AGBL1: variants seen among roughly 807,000 people sequenced by gnomAD.
The protein encoded by AGBL1 is cytosolic carboxypeptidase 4.
A neutral mutation model predicts 118.9 loss-of-function variants in AGBL1; 130 were observed. The ratio of observed to expected loss-of-function variants is 1.09; its 90% CI spans 0.95 to 1.26. The LOEUF is 1.26. AGBL1 is among the 50% of genes most tolerant of loss of function. The probability of loss-of-function intolerance (pLI) is 0.00; values close to 1 mark genes in which losing one functional copy is unlikely to be tolerated. For missense variants in AGBL1, 1,584 were observed against 1,298.1 expected (o/e 1.22, Z -3.38); for synonymous variants, 555 against 478.9 (o/e 1.16, Z -2.08).
chr15:86,793,030 A>T (rs906302942), intron 22 of AGBL1, among the ~76,000 whole-genome samples: 28 of 152,202 alleles, frequency 1.8e-4, no homozygotes, highest in African/African-American at 6.3e-4. Flanking sequence ...TAGTAACCGT[A>T]GTTAATATTT....
At chr15:86,950,272 A>G (rs956329752) in intron 23 of AGBL1, among the ~76,000 whole-genome samples, 1 of 151,682 alleles carries the variant, frequency 6.6e-6, no homozygotes, top group Non-Finnish European at 1.5e-5. Context: ...ATAAAGTTAA[A>G]ACAAGAAAAT....
intron 22 of AGBL1, among the ~76,000 whole-genome samples, chr15:86,736,944 T>A (rs138675754): frequency 6.6e-6 from 1 of 152,232 alleles, no homozygotes; most frequent in Non-Finnish European, 1.5e-5. Flanking sequence ...TATTTGCTTC[T>A]TAGAAGTCAA....
At chr15:86,487,945 T>A (rs1474831297) in intron 18 of AGBL1, among the ~76,000 whole-genome samples, 3 of 151,794 alleles carry the variant, frequency 2.0e-5, no homozygotes, top group Admixed American at 6.6e-5. Flanking sequence ...TCTGGATGAG[T>A]TTCAAGTTCC....
In AGBL1 at chr15:86,452,057, C is replaced by G. The variant is rs567638393; in HGVS notation, c.2555+54511C>G. ...CAGCCTCAATGGATTGGTGGAGGAG[C>G]CTTATGCCAGCCACAGTAGCTTTGC... On this transcript the variant is annotated intron_variant, in intron 18 of 22. Transcript: ENST00000614907. Among the ~76,000 whole-genome samples, 9 of 152,202 alleles carry G rather than the reference C, an allele frequency of 5.9e-5. No homozygotes were observed. The South Asian group carries it at 1.5e-3, about 25-fold the overall frequency.
At chr15:86,392,098 T>C (rs1170276733) in intron 17 of AGBL1, among the ~76,000 whole-genome samples, 2 of 152,166 alleles carry the variant, frequency 1.3e-5, no homozygotes, top group Non-Finnish European at 2.9e-5. Flanking sequence ...GACCTAAAAA[T>C]CACGTAGATT....
At chr15:86,357,023 C>T (rs954938193) in intron 17 of AGBL1, among the ~76,000 whole-genome samples, 2 of 152,284 alleles carry the variant, frequency 1.3e-5, no homozygotes, top group African/African-American at 4.8e-5. Context: ...GTTGGGCAAA[C>T]ATTGGCACTA....
At chr15:86,812,010 A>G (rs1040172619) in intron 22 of AGBL1, among the ~76,000 whole-genome samples, 12 of 152,342 alleles carry the variant, frequency 7.9e-5, no homozygotes, top group Non-Finnish European at 7.3e-5. Context: ...AACATATAAG[A>G]ACGCACTTTG....
At chr15:86,369,269 T>C (rs2080935288) in intron 17 of AGBL1, among the ~76,000 whole-genome samples, 1 of 152,158 alleles carries the variant, frequency 6.6e-6, no homozygotes, top group Non-Finnish European at 1.5e-5. Flanking sequence ...AAACTCGAGA[T>C]AGCAATGCCA....
chr15:86,753,438 C>T, intron 22 of AGBL1, among the ~76,000 whole-genome samples: 1 of 143,788 alleles, frequency 7.0e-6, no homozygotes. Context: ...TACTCTGTCG[C>T]CCAGGCTGGA....
intron 23 of AGBL1, among the ~76,000 whole-genome samples, chr15:86,950,667 A>C (rs930553059): frequency 1.3e-5 from 2 of 151,954 alleles, no homozygotes; most frequent in Admixed American, 1.3e-4. Context: ...TGTACTTGCA[A>C]TACAGAAATC....
At chr15:86,570,622 C>A (rs972330169) in intron 21 of AGBL1, among the ~76,000 whole-genome samples, 4 of 152,104 alleles carry the variant, frequency 2.6e-5, no homozygotes, top group African/African-American at 7.2e-5. Flanking sequence ...CTAGGAGAAA[C>A]CTAGGTCAAA....
chr15:86,080,094 T>TA, intron 1 of AGBL1, 71 bp downstream of exon 1: 1 of 1,157,730 alleles, frequency 8.6e-7, no homozygotes, highest in Non-Finnish European at 1.1e-6. Flanking sequence ...GCCTGGGAGC[T>TA]ATGCACACAG....
intron 24 of AGBL1, among the ~76,000 whole-genome samples, chr15:86,996,720 C>A (rs1447240932): frequency 6.6e-6 from 1 of 152,156 alleles, no homozygotes; most frequent in African/African-American, 2.4e-5. Context: ...CACATTAGAT[C>A]TGTTTGCCAT....
rs1325571304 is a variant in AGBL1, at chr15:86,915,063, A to G, written c.*7769A>G. ...GCAGAGCTCACTGTCTGGCCGAGGCAGGTACTCAGATCTTCACTAAATAGA... is the reference window on the plus strand; with the variant it reads ...GCAGAGCTCACTGTCTGGCCGAGGCGGGTACTCAGATCTTCACTAAATAGA... On this transcript the variant is annotated 3_prime_UTR_variant, in exon 23 of 23. Coordinates refer to ENST00000614907, the MANE Select transcript of AGBL1 (RefSeq NM_001386094.1). The G allele has an allele frequency of 6.6e-6, 1 of 152,170 alleles. No individual in the cohort carries two copies. The highest frequency in any genetic ancestry group is 6.5e-5 in the Admixed American group (1 of 15,280). The allele number at this position is 152,170 out of a possible 1,614,324, so 9.4% of individuals were successfully genotyped here.
intron 5 of AGBL1, among the ~76,000 whole-genome samples, chr15:86,190,647 G>T (rs770272744): frequency 6.6e-6 from 1 of 152,126 alleles, no homozygotes; most frequent in Non-Finnish European, 1.5e-5. Context: ...ACTGACTCAG[G>T]CTGTGTAAAG....
At chr15:86,747,473 A>G (rs192270175) in intron 22 of AGBL1, among the ~76,000 whole-genome samples, 6 of 152,220 alleles carry the variant, frequency 3.9e-5, no homozygotes, top group Admixed American at 3.9e-4. Flanking sequence ...GCCAAAGGCA[A>G]TAATTCTTTT....
At chr15:86,759,935 T>C (rs1327200420) in intron 22 of AGBL1, among the ~76,000 whole-genome samples, 1 of 152,068 alleles carries the variant, frequency 6.6e-6, no homozygotes, top group African/African-American at 2.4e-5. Context: ...TTCTGACATT[T>C]GGAAAAATGA....
At chr15:86,167,358 G>A (rs961972019) in intron 5 of AGBL1, among the ~76,000 whole-genome samples, 1 of 151,612 alleles carries the variant, frequency 6.6e-6, no homozygotes, top group African/African-American at 2.4e-5. Context: ...CGATTGTCCT[G>A]CCTCAGCCTC....
In AGBL1 at chr15:86,678,225, A is replaced by T. The variant is rs2142560819; in HGVS notation, c.3158+3789A>T. On this transcript the variant is annotated intron_variant, in intron 22 of 22. Coordinates refer to ENST00000614907, the MANE Select transcript of AGBL1 (RefSeq NM_001386094.1). ...TGCTGGCAATAAATTATTTGAACTT[A>T]TTCCTAGGTTATATTTTTTACCTAT... Among the ~76,000 whole-genome samples the T allele has an allele frequency of 5.3e-5, 8 of 152,256 alleles. 1 individual carries two copies. In the Middle Eastern group the frequency reaches 0.027, roughly 518 times the overall value.
Sources: gnomAD v4.1 joint callset for allele counts (sites outside exome capture counted in the v4.1 genomes callset) on GRCh38, gnomAD v4.1.1 for gene constraint, MANE v1.5 for transcripts, NCBI Gene and HGNC (gene_info 2026-07-23, HGNC 2026-07-21) for gene names.